TENM3: variants seen among roughly 807,000 people sequenced by gnomAD.
The protein encoded by TENM3 is teneurin-3.
Under a neutral mutation model 255.1 loss-of-function variants are expected in TENM3, and 63 were observed. The ratio of observed to expected loss-of-function variants is 0.25; its 90% CI spans 0.20 to 0.30. The LOEUF (loss-of-function observed/expected upper bound fraction) is 0.30. Ranked by LOEUF, TENM3 falls within the 10% of genes least tolerant of loss-of-function variation. The pLI, the probability that TENM3 is intolerant of heterozygous loss-of-function variation, is 1.00. For synonymous variants in TENM3, 1,306 were observed against 1,322.3 expected (o/e 0.99, Z 0.27); for missense variants, 2,929 against 3,461.1 (o/e 0.85, Z 3.86).
chr4:182,456,326 C>T (rs1376167957), intron 3 of TENM3, among the ~76,000 whole-genome samples: 3 of 152,132 alleles, frequency 2.0e-5, no homozygotes, highest in East Asian at 3.8e-4. Context: ...GAAATAAGAA[C>T]AGAAAGGTTC....
chr4:181,959,896 A>T, the TENM3 span, among the ~76,000 whole-genome samples: 1 of 152,226 alleles, frequency 6.6e-6, no homozygotes, highest in African/African-American at 2.4e-5. Flanking sequence ...ATATCCTAAA[A>T]TAGGGGTAGA....
At chr4:181,846,152 T>C in the TENM3 span, among the ~76,000 whole-genome samples, 7 of 152,206 alleles carry the variant, frequency 4.6e-5, no homozygotes, top group African/African-American at 1.7e-4. Flanking sequence ...TCCCTGACTA[T>C]GAATATCTTT....
intron 1 of TENM3, among the ~76,000 whole-genome samples, chr4:182,205,003 T>C (rs1754456291): frequency 6.6e-6 from 1 of 152,252 alleles, no homozygotes; most frequent in South Asian, 2.1e-4. Flanking sequence ...AGCTGACACA[T>C]GGTCCCAGAA....
the TENM3 span, among the ~76,000 whole-genome samples, chr4:181,479,432 G>T: frequency 6.6e-6 from 1 of 152,104 alleles, no homozygotes; most frequent in Non-Finnish European, 1.5e-5. Flanking sequence ...TGTGGTCTTT[G>T]CCAGAGGACT....
At position 182,644,875 on chromosome 4, in the gene TENM3, A is replaced by T. The variant is rs191738942; in HGVS notation, c.989-8896A>T. Among the ~76,000 whole-genome samples, 187 of 152,186 alleles carry T rather than the reference A, an allele frequency of 1.2e-3. 4 individuals carry two copies. Among genetic ancestry groups the T allele is most frequent in the Non-Finnish European group, 2.2e-4 (15 of 68,010 alleles). On this transcript the variant is annotated intron_variant, in intron 5 of 27. Coordinates refer to ENST00000511685, the MANE Select transcript of TENM3 (RefSeq NM_001080477.4). ...TTGGCTGTTAGTAACAGAGGTTTTGACCACGATCAATGACTTCATATCCAT... is the reference window on the plus strand; with the variant it reads ...TTGGCTGTTAGTAACAGAGGTTTTGTCCACGATCAATGACTTCATATCCAT...
chr4:182,788,972 G>A (rs566091579), intron 24 of TENM3, 121 bp from the exon 25 acceptor site: 1 of 865,906 alleles, frequency 1.2e-6, no homozygotes, highest in African/African-American at 1.7e-5. Context: ...TACCCAAGAA[G>A]TTGCTAAGTT....
At chr4:182,755,634 C>T (rs1382764515) in intron 22 of TENM3, among the ~76,000 whole-genome samples, 3 of 151,920 alleles carry the variant, frequency 2.0e-5, no homozygotes, top group Non-Finnish European at 4.4e-5. Flanking sequence ...GTCAGAAGAT[C>T]GAGACCATCC....
intron 1 of TENM3, among the ~76,000 whole-genome samples, chr4:182,220,499 G>A (rs974795391): frequency 6.7e-6 from 1 of 150,136 alleles, no homozygotes; most frequent in East Asian, 2.0e-4. Flanking sequence ...CCTTCACTTC[G>A]TCCTACAGTC....
At chr4:181,604,537 G>T in the TENM3 span, among the ~76,000 whole-genome samples, 1 of 152,098 alleles carries the variant, frequency 6.6e-6, no homozygotes, top group Admixed American at 6.5e-5. Flanking sequence ...ATGGCTGTGC[G>T]TTCCTCGGGG....
chr4:181,760,209 A>T, the TENM3 span, among the ~76,000 whole-genome samples: 3 of 152,278 alleles, frequency 2.0e-5, no homozygotes, highest in East Asian at 3.9e-4. Context: ...CCAAAAAAAA[A>T]ATCTCCACAT....
chr4:182,638,734 G>T (rs1181738984), intron 5 of TENM3, among the ~76,000 whole-genome samples: 1 of 152,148 alleles, frequency 6.6e-6, no homozygotes, highest in South Asian at 2.1e-4. Context: ...CATGACATTG[G>T]CTGGCTCTGT....
chr4:181,795,072 A>G, the TENM3 span, among the ~76,000 whole-genome samples: 1 of 152,212 alleles, frequency 6.6e-6, no homozygotes, highest in African/African-American at 2.4e-5. Flanking sequence ...TTATTTAGGC[A>G]GAGTCATTTC....
At chr4:182,434,053 G>A (rs550992508) in intron 3 of TENM3, among the ~76,000 whole-genome samples, 11 of 151,908 alleles carry the variant, frequency 7.2e-5, no homozygotes, top group South Asian at 2.1e-4. Context: ...GTTTGAGGTC[G>A]CAGTGAGCTA....
At chr4:181,479,446 A>C in the TENM3 span, among the ~76,000 whole-genome samples, 2 of 152,178 alleles carry the variant, frequency 1.3e-5, no homozygotes, top group East Asian at 3.9e-4. Context: ...GAGGACTTAA[A>C]AAACCTTTAT....
chr4:182,479,610 G>C (rs1214439708), intron 3 of TENM3, among the ~76,000 whole-genome samples: 2 of 151,914 alleles, frequency 1.3e-5, no homozygotes, highest in African/African-American at 4.8e-5. Context: ...CATTGAGGGA[G>C]GCATTTCTTT....
intron 12 of TENM3, among the ~76,000 whole-genome samples, chr4:182,713,571 G>A (rs1010757191): frequency 6.6e-6 from 1 of 152,202 alleles, no homozygotes; most frequent in Non-Finnish European, 1.5e-5. Flanking sequence ...TCCGAGGCCA[G>A]ATAAAATTAA....
the TENM3 span, among the ~76,000 whole-genome samples, chr4:181,969,701 G>T: frequency 6.6e-6 from 1 of 152,144 alleles, no homozygotes; most frequent in Non-Finnish European, 1.5e-5. Context: ...GAGATCCATC[G>T]TGTTAACGTA....
intron 3 of TENM3, among the ~76,000 whole-genome samples, chr4:182,492,890 AT>A (rs140098543): frequency 0.065 from 9,448 of 145,548 alleles, 289 homozygotes; most frequent in Middle Eastern, 0.08. Context: ...TCATGTCAAC[AT>A]TTTTTTTTTT....
chr4:182,639,466 T>G (rs1256082513), intron 5 of TENM3, among the ~76,000 whole-genome samples: 2 of 152,190 alleles, frequency 1.3e-5, no homozygotes, highest in African/African-American at 2.4e-5. Context: ...GTAAATTAAG[T>G]ACTATTATCC....
Sources: allele counts gnomAD v4.1 joint callset (sites outside exome capture counted in the v4.1 genomes callset), GRCh38; gene constraint gnomAD v4.1.1; transcripts MANE v1.5; gene names NCBI Gene and HGNC (gene_info 2026-07-23, HGNC 2026-07-21).